Variants in LINGO2 observed in about 807,000 individuals in gnomAD.
LINGO2 encodes the protein leucine-rich repeat and immunoglobulin-like domain-containing nogo receptor-interacting protein 2.
In LINGO2, 14 loss-of-function variants were observed where a neutral mutation model predicts 30.6. The observed-to-expected ratio is 0.46, with a 90% CI of 0.30 to 0.72. The LOEUF is 0.72. Ranked by LOEUF, LINGO2 falls within the 30% of genes least tolerant of loss-of-function variation. The pLI, the probability that LINGO2 is intolerant of heterozygous loss-of-function variation, is 0.07. For synonymous variants in LINGO2, 317 were observed against 288.5 expected (o/e 1.10, Z -1.00); for missense variants, 729 against 751.7 (o/e 0.97, Z 0.35).
chr9:29,177,144 G>T, the LINGO2 span, among the ~76,000 whole-genome samples: 1 of 152,180 alleles, frequency 6.6e-6, no homozygotes, highest in Admixed American at 6.5e-5. Flanking sequence ...AAAATAACCT[G>T]TTTCTTCCAC....
At chr9:28,568,637 A>T (rs533428269) in intron 1 of LINGO2, among the ~76,000 whole-genome samples, 1 of 152,066 alleles carries the variant, frequency 6.6e-6, no homozygotes, top group Non-Finnish European at 1.5e-5. Flanking sequence ...CCATAAAATT[A>T]TCAGCAGATT....
At chr9:28,177,554 A>T (rs1478921363) in intron 4 of LINGO2, among the ~76,000 whole-genome samples, 8 of 152,186 alleles carry the variant, frequency 5.3e-5, no homozygotes, top group African/African-American at 1.9e-4. Flanking sequence ...TACCTACCTC[A>T]TAGGGTTAAT....
chr9:28,823,331 C>T, the LINGO2 span, among the ~76,000 whole-genome samples: 2 of 152,136 alleles, frequency 1.3e-5, no homozygotes, highest in Non-Finnish European at 2.9e-5. Flanking sequence ...TCCTAGAAAT[C>T]CAGCAGCAGG....
chr9:28,017,993 T>C (rs1310802319), intron 4 of LINGO2, among the ~76,000 whole-genome samples: 2 of 152,002 alleles, frequency 1.3e-5, no homozygotes, highest in Non-Finnish European at 2.9e-5. Flanking sequence ...CAGCATGGTA[T>C]TGGAACAGAA....
intron 4 of LINGO2, among the ~76,000 whole-genome samples, chr9:28,041,014 C>T (rs1237170059): frequency 3.9e-5 from 6 of 152,146 alleles, no homozygotes; most frequent in African/African-American, 1.4e-4. Context: ...AGGACTTCAT[C>T]CAACTGTGTC....
the LINGO2 span, among the ~76,000 whole-genome samples, chr9:29,205,340 GT>G: frequency 6.6e-6 from 1 of 152,038 alleles, no homozygotes; most frequent in African/African-American, 2.4e-5. Flanking sequence ...TGCTTGGCCA[GT>G]TTTTCTTTTT....
At chr9:28,677,702 C>T in the LINGO2 span, among the ~76,000 whole-genome samples, 57,506 of 151,926 alleles carry the variant, frequency 0.38, 12,063 homozygotes, top group African/African-American at 0.55. Context: ...CATTAAAGCC[C>T]TTTATGCTAC....
At chr9:27,992,699 G>A (rs547829826) in intron 5 of LINGO2, among the ~76,000 whole-genome samples, 1 of 152,170 alleles carries the variant, frequency 6.6e-6, no homozygotes, top group Admixed American at 6.5e-5. Flanking sequence ...ATGAGGGAAA[G>A]TGAAGTTATG....
At position 28,360,967 on chromosome 9, in the gene LINGO2, T is replaced by C. The variant is rs866662483; in HGVS notation, c.-246+11869A>G. Among the ~76,000 whole-genome samples, 24 of 152,344 alleles carry C rather than the reference T, an allele frequency of 1.6e-4. No homozygotes were observed. In the Middle Eastern group the frequency reaches 0.01, roughly 65 times the overall value. On this transcript the variant is annotated intron_variant, in intron 3 of 5. Coordinates refer to ENST00000379992, the Ensembl canonical transcript of LINGO2. ...ATTTGTGGTTTAGCTTTCCATTGTTTCAGTTACCCATGGTCAACAGCTGTC... is the reference window on the plus strand; with the variant it reads ...ATTTGTGGTTTAGCTTTCCATTGTTCCAGTTACCCATGGTCAACAGCTGTC...
intron 1 of LINGO2, among the ~76,000 whole-genome samples, chr9:28,669,057 CTA>C (rs1229114206): frequency 1.3e-5 from 2 of 151,920 alleles, no homozygotes; most frequent in South Asian, 2.1e-4. Context: ...TTAATTTACC[CTA>C]GTTACCCCTT....
rs147985355 is a variant in LINGO2 at position 28,101,099 on chromosome 9, A to G, written c.-86-88694T>C. On this transcript the variant is annotated intron_variant, in intron 4 of 5. Coordinates refer to ENST00000379992, the Ensembl canonical transcript of LINGO2. Reference sequence around the variant, plus strand: ...TTGAAATGATTTCTGTTTTTAAAGAAAAGATAAAAAGAAGTTATGGGAGGC... The same window carrying G: ...TTGAAATGATTTCTGTTTTTAAAGAGAAGATAAAAAGAAGTTATGGGAGGC... Among the ~76,000 whole-genome samples the G allele has an allele frequency of 2.5e-3, 377 of 152,200 alleles. 2 individuals are homozygous for G. Among genetic ancestry groups the G allele is most frequent in the African/African-American group, 8.7e-3 (362 of 41,552 alleles).
rs77844395 is a variant in LINGO2, at chr9:28,646,384, G to A, written c.-365+23816C>T. Among the ~76,000 whole-genome samples the A allele has an allele frequency of 9.2e-3, 1,399 of 152,150 alleles. 29 individuals are homozygous for A. The highest frequency in any genetic ancestry group is 0.079 in the East Asian group (408 of 5,160). ...CATCACGGCTAAAGCTCCTTTCATA[G>A]GAGCAAGCACGGTCAGTGAGTCTGG... is the stretch of plus-strand genomic sequence containing the variant. On this transcript the variant is annotated intron_variant, in intron 1 of 5. Transcript: ENST00000379992.
chr9:28,705,498 A>G, the LINGO2 span, among the ~76,000 whole-genome samples: 1 of 152,080 alleles, frequency 6.6e-6, no homozygotes, highest in Non-Finnish European at 1.5e-5. Flanking sequence ...GGGACCTGAT[A>G]AAACCCCAAT....
At chr9:28,073,364 C>A (rs911523601) in intron 4 of LINGO2, among the ~76,000 whole-genome samples, 7 of 152,114 alleles carry the variant, frequency 4.6e-5, no homozygotes, top group Non-Finnish European at 1.0e-4. Context: ...TTCCTACATA[C>A]ATGAAGGAGC....
chr9:28,003,342 T>TAGATAG (rs1822063435), intron 5 of LINGO2, among the ~76,000 whole-genome samples: 7 of 141,642 alleles, frequency 4.9e-5, no homozygotes, highest in African/African-American at 8.3e-5. Flanking sequence ...TATATAGATA[T>TAGATAG]ATAGATAGAT....
intron 1 of LINGO2, among the ~76,000 whole-genome samples, chr9:28,669,926 A>G (rs1234049555): frequency 1.3e-5 from 2 of 152,092 alleles, no homozygotes; most frequent in Admixed American, 1.3e-4. Flanking sequence ...CAGAAACAGT[A>G]TACAGACTGT....
chr9:28,844,228 G>A, the LINGO2 span, among the ~76,000 whole-genome samples: 4 of 151,734 alleles, frequency 2.6e-5, no homozygotes, highest in East Asian at 1.9e-4. Flanking sequence ...CAGGCATGGC[G>A]GCGCACACCT....
At chr9:28,330,910 A>G (rs1825395612) in intron 3 of LINGO2, among the ~76,000 whole-genome samples, 1 of 152,188 alleles carries the variant, frequency 6.6e-6, no homozygotes, top group Non-Finnish European at 1.5e-5. Flanking sequence ...TCAAAAAATA[A>G]GACAGATTTT....
At chr9:28,311,146 C>T (rs1390410979) in intron 3 of LINGO2, among the ~76,000 whole-genome samples, 3 of 151,870 alleles carry the variant, frequency 2.0e-5, no homozygotes, top group South Asian at 4.2e-4. Context: ...TTCTGTGATG[C>T]CCCCCGAGCC....
Sources: allele counts gnomAD v4.1 joint callset (sites outside exome capture counted in the v4.1 genomes callset), GRCh38; gene constraint gnomAD v4.1.1; transcripts MANE v1.5; gene names NCBI Gene and HGNC (gene_info 2026-07-23, HGNC 2026-07-21).